CTBP2: variants seen among roughly 807,000 people sequenced by gnomAD.
The protein encoded by CTBP2 is C-terminal-binding protein 2.
A neutral mutation model predicts 80.3 loss-of-function variants in CTBP2; 30 were observed. The ratio of observed to expected loss-of-function variants is 0.37; its 90% CI spans 0.28 to 0.51. CTBP2 has a LOEUF of 0.51. Among genes scored for constraint, CTBP2 ranks in the 20% least tolerant of loss-of-function variants. The pLI is 0.93. For synonymous variants in CTBP2, 594 were observed against 587.4 expected (o/e 1.01, Z -0.16); for missense variants, 1,212 against 1,375.3 (o/e 0.88, Z 1.88).
At chr10:125,133,260 C>T (rs1040022462) in intron 1 of CTBP2, among the ~76,000 whole-genome samples, 1 of 152,158 alleles carries the variant, frequency 6.6e-6, no homozygotes, top group Non-Finnish European at 1.5e-5. Flanking sequence ...CTCAGTATGA[C>T]CTTCAGCATC....
chr10:125,150,375 A>C (rs574667773), intron 1 of CTBP2, among the ~76,000 whole-genome samples: 2 of 152,312 alleles, frequency 1.3e-5, no homozygotes, highest in East Asian at 3.9e-4. Context: ...GAGTGTGCCC[A>C]TGCATTCTTG....
chr10:125,089,570 G>T (rs1848474855), intron 2 of CTBP2, among the ~76,000 whole-genome samples: 1 of 152,164 alleles, frequency 6.6e-6, no homozygotes, highest in South Asian at 2.1e-4. Context: ...AAAGTGTGCA[G>T]ATCAGGCAGG....
chr10:125,021,568 C>T (rs953174475), intron 1 of CTBP2, among the ~76,000 whole-genome samples: 4 of 152,054 alleles, frequency 2.6e-5, no homozygotes, highest in South Asian at 2.1e-4. Context: ...AACCAAGATG[C>T]GAATACTTCA....
At chr10:125,085,184 G>A (rs778843264) in intron 2 of CTBP2, among the ~76,000 whole-genome samples, 7 of 152,176 alleles carry the variant, frequency 4.6e-5, no homozygotes, top group East Asian at 1.9e-4. Context: ...AACAGCTGCC[G>A]AGTTCCAAGA....
intron 4 of CTBP2, chr10:124,997,122 G>C (rs552233844): frequency 2.0e-5 from 3 of 152,414 alleles, no homozygotes; most frequent in Non-Finnish European, 4.4e-5. Context: ...GAGTCTCCCG[G>C]AGGCCAGAAC....
chr10:125,138,138 C>G (rs1169813846), intron 1 of CTBP2: 1 of 152,280 alleles, frequency 6.6e-6, no homozygotes, highest in Non-Finnish European at 1.5e-5. Flanking sequence ...AAGTCCAGGG[C>G]AGGTTGCTGA....
intron 2 of CTBP2, among the ~76,000 whole-genome samples, chr10:125,075,883 CA>C (rs1846202772): frequency 6.6e-6 from 1 of 152,188 alleles, no homozygotes; most frequent in Non-Finnish European, 1.5e-5. Flanking sequence ...CGGTTTCTAC[CA>C]AAGCTGAGCA....
chr10:125,063,123 A>T (rs1008084309), intron 2 of CTBP2, among the ~76,000 whole-genome samples: 3 of 152,248 alleles, frequency 2.0e-5, no homozygotes, highest in Non-Finnish European at 4.4e-5. Context: ...CTCAGCCGCA[A>T]CTGTGTGCTG....
intron 1 of CTBP2, among the ~76,000 whole-genome samples, chr10:125,143,242 C>G (rs1483794333): frequency 6.6e-6 from 1 of 152,166 alleles, no homozygotes; most frequent in Non-Finnish European, 1.5e-5. Context: ...AATCCCAGCA[C>G]TTTGGGAGGC....
chr10:125,010,545 A>G (rs770232411), intron 1 of CTBP2, among the ~76,000 whole-genome samples: 1 of 152,114 alleles, frequency 6.6e-6, no homozygotes, highest in African/African-American at 2.4e-5. Flanking sequence ...CGCAACCCTT[A>G]TCTCTCTTTC....
At chr10:125,019,815 C>G (rs1303905911) in intron 1 of CTBP2, among the ~76,000 whole-genome samples, 1 of 152,206 alleles carries the variant, frequency 6.6e-6, no homozygotes, top group East Asian at 1.9e-4. Context: ...TTAAAACTTT[C>G]ATGCTTCAAG....
At chr10:125,033,346 A>AGATGAG in intron 3 of CTBP2, among the ~76,000 whole-genome samples, 1 of 152,330 alleles carries the variant, frequency 6.6e-6, no homozygotes, top group East Asian at 1.9e-4. Context: ...CTGTAGATGG[A>AGATGAG]GATGAGACAG....
upstream of CTBP2, among the ~76,000 whole-genome samples, chr10:125,030,066 T>C (rs969906502): frequency 2.6e-5 from 4 of 151,998 alleles, no homozygotes; most frequent in African/African-American, 9.7e-5. Context: ...TTGACAAATA[T>C]TATGACAGAT....
intron 2 of CTBP2, among the ~76,000 whole-genome samples, chr10:125,090,456 TA>T (rs113744620): frequency 0.054 from 7,200 of 134,404 alleles, 361 homozygotes; most frequent in African/African-American, 0.14. Context: ...AATGGTTATT[TA>T]AAAAAAAAAA....
At chr10:125,126,590 G>A (rs1171536129) in intron 1 of CTBP2, among the ~76,000 whole-genome samples, 1 of 152,216 alleles carries the variant, frequency 6.6e-6, no homozygotes, top group Admixed American at 6.5e-5. Flanking sequence ...CCGTCAATCA[G>A]GACAAGCCAC....
chr10:125,152,341 C>G (rs1467169772), intron 1 of CTBP2, among the ~76,000 whole-genome samples: 3 of 152,182 alleles, frequency 2.0e-5, no homozygotes, highest in East Asian at 1.9e-4. Flanking sequence ...CCAGGTAGAG[C>G]GCGGCCAGGT....
intron 1 of CTBP2, among the ~76,000 whole-genome samples, chr10:125,005,156 G>C (rs1382384697): frequency 6.6e-6 from 1 of 152,234 alleles, no homozygotes; most frequent in Admixed American, 6.5e-5. Flanking sequence ...AGCCCTGCAT[G>C]GAAGGCCGTG....
At chr10:125,098,060 G>A (rs1197044703) in intron 2 of CTBP2, among the ~76,000 whole-genome samples, 1 of 152,180 alleles carries the variant, frequency 6.6e-6, no homozygotes, top group Admixed American at 6.5e-5. Flanking sequence ...GGCGGAGATC[G>A]CAGTGAACCG....
chr10:125,018,835 G>A (rs1399226305), intron 1 of CTBP2, among the ~76,000 whole-genome samples: 1 of 152,232 alleles, frequency 6.6e-6, no homozygotes, highest in Non-Finnish European at 1.5e-5. Flanking sequence ...CAGGAATCAG[G>A]GTTCCTACTC....
Sources: allele counts gnomAD v4.1 joint callset (sites outside exome capture counted in the v4.1 genomes callset), GRCh38; gene constraint gnomAD v4.1.1; transcripts MANE v1.5; gene names NCBI Gene and HGNC (gene_info 2026-07-23, HGNC 2026-07-21).